UVRAG: variants seen among roughly 807,000 people sequenced by gnomAD.
The protein encoded by UVRAG is UV radiation resistance-associated gene protein.
Under a neutral mutation model 78.0 loss-of-function variants are expected in UVRAG, and 19 were observed. The ratio of observed to expected loss-of-function variants is 0.24; its 90% confidence interval spans 0.17 to 0.36. UVRAG has a LOEUF of 0.36. Ranked by LOEUF, UVRAG falls within the 10% of genes least tolerant of loss-of-function variation. UVRAG has a pLI of 1.00. For missense variants in UVRAG, 740 were observed against 853.8 expected (o/e 0.87, Z 1.66); for synonymous variants, 323 against 324.6 (o/e 1.00, Z 0.05).
At chr11:75,905,993 A>G (rs1947606600) in intron 5 of UVRAG, among the ~76,000 whole-genome samples, 1 of 151,618 alleles carries the variant, frequency 6.6e-6, no homozygotes, top group South Asian at 2.1e-4. Context: ...TGCTATTTGT[A>G]TGTCTTTATT....
Position 76,005,631 on chromosome 11 carries a change from A to G in UVRAG, c.911+1542A>G, listed in dbSNP as rs1223395512. ...ACTCTGTCTTCCTGCAAATAGTATC[A>G]GATCCCACAGAATTAAGGACTCATT... On this transcript the variant is annotated intron_variant, in intron 9 of 14. Coordinates refer to ENST00000356136, the MANE Select transcript of UVRAG (RefSeq NM_003369.4). 3.0e-4 allele frequency among the ~76,000 whole-genome samples: 46 copies of G among 152,242 alleles called. 1 individual carries two copies. Among genetic ancestry groups the G allele is most frequent in the Non-Finnish European group, 1.2e-4 (8 of 68,042 alleles).
At position 76,140,792 on chromosome 11, in the gene UVRAG, T is replaced by G. The variant is rs1565177768; in HGVS notation, c.1479T>G (p.Ser493=). 4.3e-6 allele frequency: 7 copies of G among 1,614,106 alleles called. No homozygotes were observed. Among genetic ancestry groups the G allele is most frequent in the Non-Finnish European group, 5.1e-6 (6 of 1,180,008 alleles). Residue 493 remains serine (S), a synonymous_variant, in exon 15 of 15, where the codon TCT becomes TCG. Transcript: ENST00000356136. ...TTGGGGGTGCAGATGTAGGCTTCTC[T>G]GGGGGGATCCCTTCACCAGACAAAG... ...SIFGGADVGF[S]GGIPSPDKGH... is the part of the protein sequence containing the mutation.
At chr11:76,110,619 G>A (rs969151899) in intron 13 of UVRAG, among the ~76,000 whole-genome samples, 3 of 152,288 alleles carry the variant, frequency 2.0e-5, no homozygotes, top group African/African-American at 7.2e-5. Context: ...TTAGGGTCAA[G>A]GGTAAAATGC....
At position 75,877,428 on chromosome 11, in the gene UVRAG, G is replaced by C. The variant is rs556829067; in HGVS notation, c.271-2451G>C. On this transcript the variant is annotated intron_variant, in intron 3 of 14. Transcript: ENST00000356136. ...TCCTCACTTCCCAGTAGGGGCGGCC[G>C]GGCAGAGGTGCCCCTCACCTCCCGG... Among the ~76,000 whole-genome samples, 535 of 151,836 alleles carry C rather than the reference G, an allele frequency of 3.5e-3. 1 individual carries two copies. The highest frequency in any genetic ancestry group is 0.012 in the African/African-American group (483 of 41,432).
At chr11:76,000,257 A>G (rs1949786850) in intron 8 of UVRAG, among the ~76,000 whole-genome samples, 1 of 152,246 alleles carries the variant, frequency 6.6e-6, no homozygotes, top group African/African-American at 2.4e-5. Context: ...CAACAAAACA[A>G]AAAACAAGAC....
intron 4 of UVRAG, among the ~76,000 whole-genome samples, chr11:75,883,123 C>T (rs1303295939): frequency 7.9e-5 from 12 of 152,120 alleles, no homozygotes; most frequent in Admixed American, 7.9e-4. Flanking sequence ...TGTTTCTCTT[C>T]TACTTGAAAG....
chr11:76,010,562 G>T (rs1463059889), intron 11 of UVRAG, among the ~76,000 whole-genome samples: 1 of 152,126 alleles, frequency 6.6e-6, no homozygotes, highest in Non-Finnish European at 1.5e-5. Context: ...AATGGGCTTG[G>T]CATCTCTCAA....
chr11:76,138,279 A>G (rs758870384), intron 14 of UVRAG, among the ~76,000 whole-genome samples: 7 of 152,210 alleles, frequency 4.6e-5, no homozygotes, highest in Non-Finnish European at 8.8e-5. Context: ...TCTAGTTCAG[A>G]TGTGGTTCTT....
chr11:76,140,996 C>G lies in UVRAG; in HGVS notation c.1683C>G (p.Asn561Lys), dbSNP rs1391256542. The change falls in exon 15 of 15, where the codon AAC becomes AAG. Residue 561 changes from asparagine to lysine, a missense_variant. By Grantham distance (94) the Asn-to-Lys change is moderately conservative. Coordinates refer to ENST00000356136, the MANE Select transcript of UVRAG (RefSeq NM_003369.4). ...LDTSLDFSKENKKKGEDLVGS... is the reference protein window; with the variant it reads ...LDTSLDFSKEKKKKGEDLVGS... Reference sequence around the variant, plus strand: ...CCTCCTTGGACTTCTCCAAAGAAAACAAGAAAAAAGGAGAGGATCTAGTTG... The same window carrying G: ...CCTCCTTGGACTTCTCCAAAGAAAAGAAGAAAAAAGGAGAGGATCTAGTTG... The G allele has an allele frequency of 6.2e-7, 1 of 1,613,950 alleles. No homozygotes were observed.
chr11:75,877,630 C>G (rs1271543558), intron 3 of UVRAG, among the ~76,000 whole-genome samples: 2 of 140,844 alleles, frequency 1.4e-5, no homozygotes, highest in African/African-American at 5.3e-5. Context: ...ACCTCCCTCC[C>G]GGACGGAGCG....
chr11:76,014,406 G>A (rs952785968), intron 11 of UVRAG, among the ~76,000 whole-genome samples: 1 of 152,176 alleles, frequency 6.6e-6, no homozygotes, highest in African/African-American at 2.4e-5. Context: ...TTTGTATAAA[G>A]CACATAGAGG....
At position 76,140,142 on chromosome 11, in the gene UVRAG, T is replaced by C. The variant is rs1189971030; in HGVS notation, c.1398-569T>C. ...CTCTCTCTCTCTCTCTCTCTCTCTC[T>C]CTCTCTCCCTCCCTCCTCTGCCAGT... On this transcript the variant is annotated intron_variant, in intron 14 of 14. Coordinates refer to ENST00000356136, the MANE Select transcript of UVRAG (RefSeq NM_003369.4). Among the ~76,000 whole-genome samples, 3 of 97,458 alleles carry C rather than the reference T, an allele frequency of 3.1e-5. No individual in the cohort carries two copies. In the East Asian group the frequency reaches 1.1e-3, roughly 36 times the overall value. The allele number at this position is 97,458 out of a possible 152,430, so 63.9% of individuals were successfully genotyped here.
chr11:76,095,239 A>G (rs1951767566), intron 13 of UVRAG, among the ~76,000 whole-genome samples: 1 of 152,126 alleles, frequency 6.6e-6, no homozygotes, highest in African/African-American at 2.4e-5. Flanking sequence ...TTTACTGCCA[A>G]TTCCAGAAGT....
chr11:75,915,787 G>T (rs1455964102), intron 6 of UVRAG, among the ~76,000 whole-genome samples: 2 of 152,040 alleles, frequency 1.3e-5, no homozygotes, highest in East Asian at 1.9e-4. Context: ...TTTTGGTTCT[G>T]TTTTTTTAAA....
At chr11:75,871,254 G>T (rs1590955620) in intron 3 of UVRAG, among the ~76,000 whole-genome samples, 1 of 149,702 alleles carries the variant, frequency 6.7e-6, no homozygotes, top group East Asian at 2.0e-4. Flanking sequence ...AGTTCTGCCT[G>T]GTTATGAACT....
chr11:76,063,034 G>T (rs574316272), intron 12 of UVRAG, among the ~76,000 whole-genome samples: 1 of 152,080 alleles, frequency 6.6e-6, no homozygotes, highest in Non-Finnish European at 1.5e-5. Context: ...GGTAGTCATC[G>T]CATAATTCTT....
At chr11:75,997,650 GT>G (rs1455098895) in intron 8 of UVRAG, among the ~76,000 whole-genome samples, 1 of 152,090 alleles carries the variant, frequency 6.6e-6, no homozygotes. Flanking sequence ...GATAGCAAAG[GT>G]TTTGGCACAG....
At chr11:76,065,601 C>T (rs764667623) in intron 12 of UVRAG, 109 bp from the exon 13 acceptor site, 9 of 868,762 alleles carry the variant, frequency 1.0e-5, no homozygotes, top group Non-Finnish European at 1.7e-5. Flanking sequence ...TGACTTAGTC[C>T]AATTCAGATG....
At chr11:76,083,559 TA>T (rs1951536102) in intron 13 of UVRAG, among the ~76,000 whole-genome samples, 2 of 152,154 alleles carry the variant, frequency 1.3e-5, no homozygotes, top group African/African-American at 4.8e-5. Flanking sequence ...AAAGCCTAAT[TA>T]GAAGAGAAAG....
Sources: allele counts gnomAD v4.1 joint callset (sites outside exome capture counted in the v4.1 genomes callset), GRCh38; gene constraint gnomAD v4.1.1; transcripts MANE v1.5; gene names NCBI Gene and HGNC (gene_info 2026-07-23, HGNC 2026-07-21).